The following KDM8 variants were observed in gnomAD, a reference collection of about 807,000 sequenced individuals.
The protein encoded by KDM8 is lysine demethylase 8, also known as bifunctional peptidase and arginyl-hydroxylase JMJD5.
KDM8 carries 35 observed loss-of-function variants against 46.9 expected under a neutral mutation model. The ratio of observed to expected loss-of-function variants is 0.75; its 90% CI spans 0.57 to 0.99. The LOEUF is 0.99. Ranked by LOEUF, KDM8 falls within the 50% of genes least tolerant of loss-of-function variation. The probability of loss-of-function intolerance (pLI) is 0.00; values close to 1 mark genes in which losing one functional copy is unlikely to be tolerated. For missense variants in KDM8, 475 were observed against 537.0 expected (o/e 0.88, Z 1.14); for synonymous variants, 232 against 227.7 (o/e 1.02, Z -0.17).
chr16:27,216,684 G>A (rs2083558250), intron 5 of KDM8, among the ~76,000 whole-genome samples: 1 of 152,152 alleles, frequency 6.6e-6, no homozygotes, highest in Non-Finnish European at 1.5e-5. Flanking sequence ...AGTAGGGGCT[G>A]TGCCAGGAGC....
In KDM8 at chr16:27,220,711, T is replaced by C; in HGVS notation, c.1232T>C (p.Val411Ala). ...YVRALDLSFS[V>A]SFWWS ...CGGGCTCTGGATTTGAGCTTCTCGG[T>C]CAGCTTCTGGTGGTCGTAGCCAGGA... is the stretch of plus-strand genomic sequence containing the variant. Residue 411 changes from valine to alanine, a missense_variant, in exon 8 of 8, where the codon GTC (valine) becomes GCC (alanine). Coordinates refer to ENST00000286096, the MANE Select transcript of KDM8 (RefSeq NM_024773.3). 6.2e-7 allele frequency: 1 copy of C among 1,614,204 alleles called. No individual in the cohort carries two copies. Among genetic ancestry groups the C allele is most frequent in the African/African-American group, 1.3e-5 (1 of 75,058 alleles).
chr16:27,212,849 G>A (rs899759168), intron 2 of KDM8, among the ~76,000 whole-genome samples: 2 of 152,114 alleles, frequency 1.3e-5, no homozygotes, highest in Non-Finnish European at 2.9e-5. Context: ...GTACCACCAC[G>A]CCGAGCTTTT....
In KDM8 at chr16:27,220,860, C is replaced by T. The variant is rs1173244350; in HGVS notation, c.*130C>T. On this transcript the variant is annotated 3_prime_UTR_variant, in exon 8 of 8. Coordinates refer to ENST00000286096, the MANE Select transcript of KDM8 (RefSeq NM_024773.3). ...CTGAAGAGCCTTCACTGCCCAGTGGCAGCCCTGGGGGGCTGAGCTCCAGCA... is the reference window on the plus strand; with the variant it reads ...CTGAAGAGCCTTCACTGCCCAGTGGTAGCCCTGGGGGGCTGAGCTCCAGCA... 9 of 1,135,296 alleles carry T rather than the reference C, an allele frequency of 7.9e-6. No homozygotes were observed. The highest frequency in any genetic ancestry group is 1.2e-5 in the Non-Finnish European group (9 of 761,786). 70.3% of individuals were successfully genotyped at this position (1,135,296 alleles called of 1,614,324 possible).
rs368463116 is a variant in KDM8 at position 27,210,217 on chromosome 16, G to C, written c.94G>C (p.Asp32His). 2.5e-6 allele frequency: 4 copies of C among 1,613,280 alleles called. No homozygotes were observed. In the African/African-American group the frequency reaches 5.3e-5, roughly 22 times the overall value. ...LRALLPHSKE[D>H]LKLDLGEKVE... ...GGCGCTCCTGCCGCACAGTAAAGAA[G>C]ACCTGAAGTTGGACCTCGGGGAGAA... is the stretch of plus-strand genomic sequence containing the variant. Residue 32 changes from aspartate (D) to histidine (H), a missense_variant, in exon 2 of 8, where the codon GAC (aspartate) becomes CAC (histidine). Physicochemically the swap from Asp to His is moderately conservative, Grantham distance 81. Coordinates refer to ENST00000286096, the MANE Select transcript of KDM8 (RefSeq NM_024773.3).
rs573125680 is a variant in KDM8, at chr16:27,220,661, C to T, written c.1182C>T (p.Ile394=). The T allele has an allele frequency of 2.5e-6, 4 of 1,614,178 alleles. No homozygotes were observed. The East Asian group carries it at 8.9e-5, about 36-fold the overall frequency. The change falls in exon 8 of 8, where the codon ATC becomes ATT. Residue 394 remains isoleucine, a synonymous_variant. Coordinates refer to ENST00000286096, the MANE Select transcript of KDM8 (RefSeq NM_024773.3). ...CILSPGEILF[I]PVKYWHYVRA... is the part of the protein sequence containing the mutation. ...TGTCTCCTGGAGAGATCCTGTTCAT[C>T]CCGGTGAAATACTGGCATTACGTGC...
chr16:27,215,135 A>T, intron 4 of KDM8, 127 bp downstream of exon 4: 1 of 1,096,262 alleles, frequency 9.1e-7, no homozygotes, highest in Non-Finnish European at 1.3e-6. Flanking sequence ...CTGTGGTCGG[A>T]GGGACGACCG....
intron 2 of KDM8, 47 bp from the exon 3 acceptor site, chr16:27,213,538 G>A (rs1251335313): frequency 6.3e-6 from 10 of 1,592,954 alleles, no homozygotes; most frequent in South Asian, 2.2e-5. Flanking sequence ...CTCAAATGTC[G>A]ACTTCCTGAG....
chr16:27,213,593 G>A lies in KDM8; in HGVS notation c.507G>A (p.Arg169=). 1.2e-6 allele frequency: 2 copies of A among 1,614,008 alleles called. No individual in the cohort carries two copies. Among genetic ancestry groups the A allele is most frequent in the South Asian group, 1.1e-5 (1 of 91,058 alleles). The change falls in exon 3 of 8, where the codon AGG becomes AGA. Residue 169 remains arginine (R), a synonymous_variant. Transcript: ENST00000286096. ...GTTTTGATTTTAAACAGAAAGCAAGGGCGGACCATGGTTTGATTCCAGATG... is the reference window on the plus strand; with the variant it reads ...GTTTTGATTTTAAACAGAAAGCAAGAGCGGACCATGGTTTGATTCCAGATG... ...LPEQPCTKKA[R]ADHGLIPDVK...
rs2083395004 is a variant in KDM8, at chr16:27,203,604, A to G, written c.-64A>G. 1 of 154,312 alleles carries G rather than the reference A, an allele frequency of 6.5e-6. No individual in the cohort carries two copies. The highest frequency in any genetic ancestry group is 1.5e-5 in the Non-Finnish European group (1 of 68,902). The allele number at this position is 154,312 out of a possible 1,614,324, so 9.6% of individuals were successfully genotyped here. A position where few individuals can be genotyped will look rare whatever the true frequency, so the allele number is the denominator to read the frequency against. The stretch of plus-strand genomic sequence containing the variant: ...AACGCAACGAGTCTTCGCCAGCCCA[A>G]AGGCGACTCGACACCGTCCCAGCTG... On this transcript the variant is annotated 5_prime_UTR_variant, in exon 1 of 8. Coordinates refer to ENST00000286096, the MANE Select transcript of KDM8 (RefSeq NM_024773.3).
At chr16:27,211,528 TCG>T (rs1420381068) in intron 2 of KDM8, 1 of 205,732 alleles carries the variant, frequency 4.9e-6, no homozygotes, top group Admixed American at 5.6e-5. Context: ...CCTTTGAGCC[TCG>T]GTTTCCTTGT....
At chr16:27,210,015 G>T in intron 1 of KDM8, 78 bp from the exon 2 acceptor site, 1 of 1,418,196 alleles carries the variant, frequency 7.1e-7, no homozygotes. Context: ...TCGCAGATGA[G>T]ATGCAGGAAG....
In KDM8 at chr16:27,214,926, T is replaced by A. The variant is rs1406852513; in HGVS notation, c.716T>A (p.Val239Asp). ...GGCTGCCGAACTGTCCCAGTGGAAG[T>A]TGGTTCGAGGTACACAGATGAGGAA... ...IAGCRTVPVE[V>D]GSRYTDEEWS... The change falls in exon 4 of 8, where the codon GTT (valine) becomes GAT (aspartate). Residue 239 changes from valine to aspartate, a missense_variant. By Grantham distance (152) the Val-to-Asp change is radical. Coordinates refer to ENST00000286096, the MANE Select transcript of KDM8 (RefSeq NM_024773.3). 1.2e-6 allele frequency: 2 copies of A among 1,614,062 alleles called. No homozygotes were observed. The highest frequency in any genetic ancestry group is 1.3e-5 in the African/African-American group (1 of 74,924).
chr16:27,219,622 C>T (rs1302142736), intron 6 of KDM8, among the ~76,000 whole-genome samples: 1 of 152,214 alleles, frequency 6.6e-6, no homozygotes, highest in Non-Finnish European at 1.5e-5. Flanking sequence ...TCTCCTACCC[C>T]AGCAGACCAG....
chr16:27,203,883 T>C (rs1401578546), intron 1 of KDM8: 3 of 468,222 alleles, frequency 6.4e-6, no homozygotes, highest in Non-Finnish European at 1.2e-5. Context: ...TGCTCGTCTC[T>C]TGGCAGTGGT....
intron 1 of KDM8, among the ~76,000 whole-genome samples, chr16:27,208,297 G>C (rs2083446029): frequency 6.6e-6 from 1 of 150,860 alleles, no homozygotes; most frequent in African/African-American, 2.4e-5. Context: ...GCCACTGGGG[G>C]AACCTGGCTA....
At chr16:27,219,719 G>A (rs2083596560) in intron 6 of KDM8, among the ~76,000 whole-genome samples, 1 of 152,222 alleles carries the variant, frequency 6.6e-6, no homozygotes, top group East Asian at 1.9e-4. Context: ...CCACACCTCA[G>A]CTGTGTGAGC....
At chr16:27,211,386 C>T (rs2083483796) in intron 2 of KDM8, 3 of 355,540 alleles carry the variant, frequency 8.4e-6, no homozygotes, top group East Asian at 1.5e-4. Flanking sequence ...CAATCTCTCC[C>T]ACCCCTTGGG....
At position 27,210,437 on chromosome 16, in the gene KDM8, G is replaced by A; in HGVS notation, c.314G>A (p.Cys105Tyr). 6 of 1,602,924 alleles carry A rather than the reference G, an allele frequency of 3.7e-6. No homozygotes were observed. Among genetic ancestry groups the A allele is most frequent in the Admixed American group, 1.7e-5 (1 of 59,794 alleles). ...YAIGCLLKAL[C>Y]LCQAPEDANT... Reference sequence around the variant, plus strand: ...ATCGGCTGCCTCCTGAAAGCCCTGTGTCTGTGCCAGGCACCTGAGGATGCC... The same window carrying A: ...ATCGGCTGCCTCCTGAAAGCCCTGTATCTGTGCCAGGCACCTGAGGATGCC... The change falls in exon 2 of 8, where the codon TGT becomes TAT. Residue 105 changes from cysteine (C) to tyrosine (Y), a missense_variant. Coordinates refer to ENST00000286096, the MANE Select transcript of KDM8 (RefSeq NM_024773.3).
At chr16:27,216,282 T>G in intron 5 of KDM8, 1 of 508,266 alleles carries the variant, frequency 2.0e-6, no homozygotes, top group Non-Finnish European at 3.6e-6. Context: ...GAGGTGATGC[T>G]GGCAGGTGGA....
Sources: allele counts gnomAD v4.1 joint callset (sites outside exome capture counted in the v4.1 genomes callset), GRCh38; gene constraint gnomAD v4.1.1; transcripts MANE v1.5; gene names NCBI Gene and HGNC (gene_info 2026-07-23, HGNC 2026-07-21).